VWA5B2: variants seen among roughly 807,000 people sequenced by gnomAD.
VWA5B2 encodes the protein von Willebrand factor A domain-containing protein 5B2.
A neutral mutation model predicts 118.5 loss-of-function variants in VWA5B2; 93 were observed. The observed-to-expected ratio is 0.79, with a 90% CI of 0.66 to 0.93. VWA5B2 has a LOEUF of 0.93. Among genes scored for constraint, VWA5B2 ranks in the 40% least tolerant of loss-of-function variants. The probability of loss-of-function intolerance (pLI) is 0.00; values close to 1 mark genes in which losing one functional copy is unlikely to be tolerated. For missense variants in VWA5B2, 1,546 were observed against 1,672.8 expected, an observed-to-expected ratio of 0.92 and a Z score of 1.32; for synonymous variants, 708 against 716.3, an observed-to-expected ratio of 0.99 and a Z score of 0.19.
In VWA5B2 at chr3:184,241,382, G is replaced by A. The variant is rs143970189; in HGVS notation, c.3158G>A (p.Ser1053Asn). Residue 1053 changes from serine (S) to asparagine (N), a missense_variant, in exon 19 of 20, where the codon AGC becomes AAC. Around this residue, in one of 3 missense-constraint regions of VWA5B2, gnomAD observed 763 missense variants for 766.6 expected, o/e 1.00. Coordinates refer to ENST00000691901, the MANE Select transcript of VWA5B2 (RefSeq NM_001390846.1). The surrounding 1 kb of genome is among the most constrained non-coding windows in gnomAD (Gnocchi z 5.1). The stretch of plus-strand genomic sequence containing the variant: ...GGCCAGGCCAACAACAGTGAAGGCA[G>A]CGACCATGACTACCTGCCCTTGGTG... ...DPGQANNSEG[S>N]DHDYLPLVRL... The A allele has an allele frequency of 1.0e-3, 1,600 of 1,573,846 alleles. 10 individuals carry two copies. In the African/African-American group the frequency reaches 0.019, roughly 19 times the overall value.
In VWA5B2 at chr3:184,237,799, C is replaced by T. The variant is rs1468676989; in HGVS notation, c.1719+388C>T. Among the ~76,000 whole-genome samples, 1 of 152,324 alleles carries T rather than the reference C, an allele frequency of 6.6e-6. No homozygotes were observed. The highest frequency in any genetic ancestry group is 6.5e-5 in the Admixed American group (1 of 15,296). On this transcript the variant is annotated intron_variant, in intron 12 of 19. Coordinates refer to ENST00000691901, the MANE Select transcript of VWA5B2 (RefSeq NM_001390846.1). The surrounding 1 kb of genome is among the most constrained non-coding windows in gnomAD (Gnocchi z 5.6). ...TCTGGGACACGCAGTGATGGATGAG[C>T]ATAACCTAGGCACAATCTCTAATCC...
Position 184,230,740 on chromosome 3 carries a change from T to TC in VWA5B2, c.140-3dup. 7 of 1,214,226 alleles carry TC rather than the reference T, an allele frequency of 5.8e-6. No homozygotes were observed. The highest frequency in any genetic ancestry group is 7.2e-6 in the Non-Finnish European group (7 of 977,508). 75.2% of individuals were successfully genotyped at this position (1,214,226 alleles called of 1,614,324 possible). A position where few individuals can be genotyped will look rare whatever the true frequency, so the allele number is the denominator to read the frequency against. The stretch of plus-strand genomic sequence containing the variant: ...GGTCCGACGCCGCCTCCCGCCGCCC[T>TC]CCCCAGGCGTGTTCGTGTACCCGCT... On this transcript the variant is annotated splice_region_variant and splice_polypyrimidine_tract_variant and intron_variant, in intron 2 of 19. Transcript: ENST00000691901.
chr3:184,236,576 C>T, intron 10 of VWA5B2, 25 bp downstream of exon 10: 7 of 1,548,836 alleles, frequency 4.5e-6, no homozygotes, highest in Non-Finnish European at 6.1e-6. Flanking sequence ...GAACCAGATG[C>T]GTAAGACTGA....
Position 184,239,534 on chromosome 3 carries a change from C to G in VWA5B2, c.2343C>G (p.Gly781=). Reference sequence around the variant, plus strand: ...CCTCTTTGGGTGCAATACTAGATGGCCCAAGTCCTGAGCCAGGCCAACAGT... The same window carrying G: ...CCTCTTTGGGTGCAATACTAGATGGGCCAAGTCCTGAGCCAGGCCAACAGT... The part of the protein sequence containing the change: ...RKPSLGAILD[G]PSPEPGQQLG... The change falls in exon 15 of 20, where the codon GGC becomes GGG. Residue 781 remains glycine (G), a synonymous_variant. Coordinates refer to ENST00000691901, the MANE Select transcript of VWA5B2 (RefSeq NM_001390846.1). This position sits in a 1 kb window ranked among gnomAD's most constrained non-coding sequence, Gnocchi z 5.1. 1 of 1,543,878 alleles carries G rather than the reference C, an allele frequency of 6.5e-7. No homozygotes were observed. The highest frequency in any genetic ancestry group is 1.7e-4 in the Middle Eastern group (1 of 5,962).
At position 184,236,537 on chromosome 3, in the gene VWA5B2, CA is replaced by C. The variant is rs1718019835; in HGVS notation, c.1408del (p.Arg470GlyfsTer33). ...GAACCCTGGAGCTCATGAGGTGGCACAGGGGGACAGCCAGGTATGGGATGGG... is the reference window on the plus strand; with the variant it reads ...GAACCCTGGAGCTCATGAGGTGGCACGGGGGACAGCCAGGTATGGGATGGG... ...HRTLELMRWH[R>X]GTARCFSFGL... On this transcript the variant is annotated frameshift_variant, in exon 10 of 20. Coordinates refer to ENST00000691901, the MANE Select transcript of VWA5B2 (RefSeq NM_001390846.1). LOFTEE classifies it high-confidence loss of function. The C allele has an allele frequency of 6.4e-7, 1 of 1,550,518 alleles. No homozygotes were observed. Among genetic ancestry groups the C allele is most frequent in the South Asian group, 1.2e-5 (1 of 84,056 alleles).
intron 1 of VWA5B2, among the ~76,000 whole-genome samples, 102 bp downstream of exon 1, chr3:184,229,815 T>A (rs1202883972): frequency 6.6e-6 from 1 of 152,012 alleles, no homozygotes; most frequent in Non-Finnish European, 1.5e-5. Flanking sequence ...TCCTCCCACA[T>A]CAGCTCTGCC....
At position 184,241,888 on chromosome 3, in the gene VWA5B2, G is replaced by C. The variant is rs1298344680; in HGVS notation, c.3579G>C (p.Lys1193Asn). Residue 1193 changes from lysine (K) to asparagine (N), a missense_variant, in exon 20 of 20, where the codon AAG becomes AAC. Lys to Asn is a moderately conservative substitution (Grantham distance 94). This residue lies in a region of VWA5B2 where 763 missense variants were observed against 766.6 expected (regional missense o/e 1.00). Coordinates refer to ENST00000691901, the MANE Select transcript of VWA5B2 (RefSeq NM_001390846.1). This position sits in a 1 kb window ranked among gnomAD's most constrained non-coding sequence, Gnocchi z 5.1. ...ACGAGTGGGAACTGACAGCGGCCAA[G>C]GCTGATTGCTGGCTGCGGGCCCAGC... is the stretch of plus-strand genomic sequence containing the variant. ...AFDEWELTAA[K>N]ADCWLRAQHL... is the part of the protein sequence containing the mutation. 6.5e-7 allele frequency: 1 copy of C among 1,547,438 alleles called. No individual in the cohort carries two copies. The highest frequency in any genetic ancestry group is 1.4e-5 in the African/African-American group (1 of 73,188).
Position 184,238,092 on chromosome 3 carries a change from C to T in VWA5B2, c.1720-211C>T, listed in dbSNP as rs1480791981. ...ACAGACTTTTTTTTTTGCCTGGCTG[C>T]CAGGGAGCTCAGGGCCAAACTTAAA... On this transcript the variant is annotated intron_variant, in intron 12 of 19. Transcript: ENST00000691901. The surrounding 1 kb of genome is among the most constrained non-coding windows in gnomAD (Gnocchi z 5.0). Among the ~76,000 whole-genome samples, 1 of 151,922 alleles carries T rather than the reference C, an allele frequency of 6.6e-6. No individual in the cohort carries two copies. Among genetic ancestry groups the T allele is most frequent in the Non-Finnish European group, 1.5e-5 (1 of 67,972 alleles).
Position 184,242,006 on chromosome 3 carries a change from C to T in VWA5B2, c.3697C>T (p.His1233Tyr). ...LRHWDQNLQL[H>Y]LLCYSPANV Reference sequence around the variant, plus strand: ...CCACTGGGACCAAAACCTGCAGCTACACCTGCTGTGCTACAGCCCAGCGAA... The same window carrying T: ...CCACTGGGACCAAAACCTGCAGCTATACCTGCTGTGCTACAGCCCAGCGAA... The change falls in exon 20 of 20, where the codon CAC becomes TAC. Residue 1233 changes from histidine (H) to tyrosine (Y), a missense_variant. By Grantham distance (83) the His-to-Tyr change is moderately conservative. This residue lies in a region of VWA5B2 where 763 missense variants were observed against 766.6 expected (regional missense o/e 1.00). Transcript: ENST00000691901. 1.3e-6 allele frequency: 2 copies of T among 1,550,384 alleles called. No homozygotes were observed. Among genetic ancestry groups the T allele is most frequent in the Non-Finnish European group, 1.7e-6 (2 of 1,146,978 alleles).
In VWA5B2 at chr3:184,233,507, G is replaced by C; in HGVS notation, c.531-69G>C. ...GGATGGGAAGGGTGAGGAAGGGCTG[G>C]GGCCAGTCAGCCGGAGGGTTTAGGG... On this transcript the variant is annotated intron_variant, in intron 4 of 19. Transcript: ENST00000691901. This position sits in a 1 kb window ranked among gnomAD's most constrained non-coding sequence, Gnocchi z 5.2. The C allele has an allele frequency of 6.6e-7, 1 of 1,518,826 alleles. No individual in the cohort carries two copies. The highest frequency in any genetic ancestry group is 8.9e-7 in the Non-Finnish European group (1 of 1,129,866). 94.1% of individuals were successfully genotyped at this position (1,518,826 alleles called of 1,614,324 possible). A position where few individuals can be genotyped will look rare whatever the true frequency, so the allele number is the denominator to read the frequency against.
chr3:184,236,433 G>A lies in VWA5B2; in HGVS notation c.1303G>A (p.Gly435Arg). Residue 435 changes from glycine (G) to arginine (R), a missense_variant, in exon 10 of 20, where the codon GGG becomes AGG. Physicochemically the swap from Gly to Arg is moderately radical, Grantham distance 125. Around this residue, in one of 3 missense-constraint regions of VWA5B2, gnomAD observed 775 missense variants for 882.3 expected, o/e 0.88. Transcript: ENST00000691901. Reference sequence around the variant, plus strand: ...GCTGGCTGCTCTGGACTGGGCCGTGGGGCAGCCCCAGCACAGGGCCTACCC... The same window carrying A: ...GCTGGCTGCTCTGGACTGGGCCGTGAGGCAGCCCCAGCACAGGGCCTACCC... Reference protein sequence around the residue: ...DVLAALDWAVGQPQHRAYPRQ... With the variant: ...DVLAALDWAVRQPQHRAYPRQ... 1 of 1,547,050 alleles carries A rather than the reference G, an allele frequency of 6.5e-7. No homozygotes were observed. Among genetic ancestry groups the A allele is most frequent in the Middle Eastern group, 1.7e-4 (1 of 5,990 alleles).
rs1426161977 is a variant in VWA5B2, at chr3:184,241,477, CCT to C, written c.3181-7_3181-6del. 1.3e-6 allele frequency: 2 copies of C among 1,551,352 alleles called. No homozygotes were observed. Among genetic ancestry groups the C allele is most frequent in the East Asian group, 4.9e-5 (2 of 41,180 alleles). On this transcript the variant is annotated splice_polypyrimidine_tract_variant and intron_variant, in intron 19 of 19. Transcript: ENST00000691901. The surrounding 1 kb of genome is among the most constrained non-coding windows in gnomAD (Gnocchi z 5.1). ...TTTCAGCTCGCTTCTCCCCCCACCT[CCT>C]CTCTCCTCAGGTGCGGCTGCAGGAG... is the stretch of plus-strand genomic sequence containing the variant.
chr3:184,232,802 C>T (rs1457336344), intron 3 of VWA5B2: 2 of 228,110 alleles, frequency 8.8e-6, no homozygotes, highest in Non-Finnish European at 1.7e-5. Flanking sequence ...GGTCCCAGGC[C>T]ACAGGGAGAT....
At chr3:184,230,147 G>T (rs960065731) in intron 1 of VWA5B2, among the ~76,000 whole-genome samples, 9 of 152,076 alleles carry the variant, frequency 5.9e-5, no homozygotes, top group Admixed American at 5.2e-4. Context: ...TGGCGGCCGC[G>T]GGGGGCCCCG....
At chr3:184,240,722 A>AT (rs1209657461) in intron 16 of VWA5B2, 69 bp from the exon 17 acceptor site, 9 of 1,522,216 alleles carry the variant, frequency 5.9e-6, no homozygotes, top group South Asian at 2.5e-5. Flanking sequence ...GAACACTGCA[A>AT]TTTTTTCTAT....
Position 184,241,903 on chromosome 3 carries a change from G to T in VWA5B2, c.3594G>T (p.Leu1198=). The T allele has an allele frequency of 1.3e-6, 2 of 1,547,966 alleles. No individual in the cohort carries two copies. The highest frequency in any genetic ancestry group is 8.7e-7 in the Non-Finnish European group (1 of 1,146,814). The part of the protein sequence containing the change: ...ELTAAKADCW[L]RAQHLPDGLD... Reference sequence around the variant, plus strand: ...CAGCGGCCAAGGCTGATTGCTGGCTGCGGGCCCAGCACTTGCCTGACGGCC... The same window carrying T: ...CAGCGGCCAAGGCTGATTGCTGGCTTCGGGCCCAGCACTTGCCTGACGGCC... Residue 1198 remains leucine, a synonymous_variant, in exon 20 of 20, where the codon CTG becomes CTT. Coordinates refer to ENST00000691901, the MANE Select transcript of VWA5B2 (RefSeq NM_001390846.1). This position sits in a 1 kb window ranked among gnomAD's most constrained non-coding sequence, Gnocchi z 5.1.
intron 7 of VWA5B2, 55 bp downstream of exon 7, chr3:184,234,810 G>A (rs1296026092): frequency 6.5e-7 from 1 of 1,548,582 alleles, no homozygotes; most frequent in Non-Finnish European, 8.7e-7. Flanking sequence ...TTGTGCACAA[G>A]GAGCAGGCAA....
chr3:184,237,269 A>G lies in VWA5B2; in HGVS notation c.1577A>G (p.Asp526Gly), dbSNP rs1019526704. 1.3e-6 allele frequency: 2 copies of G among 1,551,500 alleles called. No individual in the cohort carries two copies. Among genetic ancestry groups the G allele is most frequent in the Non-Finnish European group, 1.7e-6 (2 of 1,146,960 alleles). Residue 526 changes from aspartate to glycine, a missense_variant, in exon 12 of 20, where the codon GAC becomes GGC. Physicochemically the swap from Asp to Gly is moderately conservative, Grantham distance 94 (BLOSUM62 -1). Coordinates refer to ENST00000691901, the MANE Select transcript of VWA5B2 (RefSeq NM_001390846.1). The surrounding 1 kb of genome is among the most constrained non-coding windows in gnomAD (Gnocchi z 5.6). ...AAGGCACTGGAGCCTGCTTTGAGTG[A>G]CATCTCTGTGGACTGGTTTGTGCCC... Reference protein sequence around the residue: ...LRKALEPALSDISVDWFVPDT... With the variant: ...LRKALEPALSGISVDWFVPDT...
chr3:184,242,319 G>T lies in VWA5B2; in HGVS notation c.*281G>T. On this transcript the variant is annotated 3_prime_UTR_variant, in exon 20 of 20. Transcript: ENST00000691901. ...GTCCCCAAATCCTATGCAATAAAGT[G>T]CCTCTTAGGACTGCTTGAGTGAATT... is the stretch of plus-strand genomic sequence containing the variant. The T allele has an allele frequency of 1.3e-6, 1 of 791,070 alleles. No individual in the cohort carries two copies. The highest frequency in any genetic ancestry group is 2.1e-6 in the Non-Finnish European group (1 of 468,144). The allele number at this position is 791,070 out of a possible 1,614,324, so 49.0% of individuals were successfully genotyped here.
Sources: allele counts gnomAD v4.1 joint callset (sites outside exome capture counted in the v4.1 genomes callset), GRCh38; gene constraint gnomAD v4.1.1; regional missense constraint gnomAD v4.1.1; non-coding constraint Gnocchi (gnomAD v3.1); transcripts MANE v1.5; gene names NCBI Gene and HGNC (gene_info 2026-07-23, HGNC 2026-07-21).